The following WDFY3 variants were observed in gnomAD, a reference collection of about 807,000 sequenced individuals.
WDFY3 encodes WD repeat and FYVE domain-containing protein 3.
WDFY3 carries 66 observed loss-of-function variants against 409.6 expected under a neutral mutation model. That is an observed-to-expected ratio of 0.16 (90% CI 0.13 to 0.20). The LOEUF is 0.20. WDFY3 is among the 10% of genes least tolerant of loss of function. WDFY3 has a pLI of 1.00. For missense variants in WDFY3, 3,031 were observed against 4,298.1 expected (o/e 0.71, Z 8.24); for synonymous variants, 1,521 against 1,537.1 (o/e 0.99, Z 0.25).
intron 38 of WDFY3, among the ~76,000 whole-genome samples, chr4:84,741,457 G>C (rs960809387): frequency 3.3e-5 from 5 of 151,852 alleles, no homozygotes; most frequent in Non-Finnish European, 7.4e-5. Context: ...TGGAATTACA[G>C]GCGCGCACCA....
At chr4:84,705,874 G>A (rs772521439) in intron 53 of WDFY3, among the ~76,000 whole-genome samples, 13 of 152,128 alleles carry the variant, frequency 8.5e-5, no homozygotes, top group South Asian at 4.1e-4. Context: ...CCAATTCATC[G>A]TTAACTTCAT....
chr4:84,870,191 A>C (rs1761959053), intron 3 of WDFY3, among the ~76,000 whole-genome samples: 1 of 152,198 alleles, frequency 6.6e-6, no homozygotes, highest in African/African-American at 2.4e-5. Context: ...TAATATGAAA[A>C]GAAAAGTTAA....
At chr4:84,899,035 T>A (rs747830763) in intron 2 of WDFY3, among the ~76,000 whole-genome samples, 5 of 152,214 alleles carry the variant, frequency 3.3e-5, no homozygotes, top group African/African-American at 1.2e-4. Flanking sequence ...CATGGTGTGA[T>A]GAGTATAGAG....
chr4:84,769,021 G>A (rs1008515475), intron 30 of WDFY3, among the ~76,000 whole-genome samples: 2 of 152,322 alleles, frequency 1.3e-5, no homozygotes, highest in East Asian at 3.9e-4. Context: ...TTCAGTGGAA[G>A]AAGTAACTGC....
chr4:84,951,686 TA>T (rs1321999003), intron 1 of WDFY3, among the ~76,000 whole-genome samples: 4 of 152,082 alleles, frequency 2.6e-5, no homozygotes, highest in African/African-American at 9.7e-5. Context: ...AAAACCAAAG[TA>T]ACAATTAGAT....
chr4:84,929,474 C>A (rs565182780), intron 2 of WDFY3, among the ~76,000 whole-genome samples: 28 of 151,102 alleles, frequency 1.9e-4, no homozygotes, highest in Admixed American at 1.3e-3. Context: ...ATTGCGCCCC[C>A]CCCCCCAAAT....
rs1737960023 is a variant in WDFY3, at chr4:84,739,049, T to C, written c.6535A>G (p.Ile2179Val). ...TTWHIMIPSD[I>V]EPDGSYSQDI... ...TGGCTGTAACTACCATCTGGTTCAA[T>C]GTCCGAGGGGATCATAATGTGCCAT... The change falls in exon 40 of 68, where the codon ATT becomes GTT. Residue 2179 changes from isoleucine to valine, a missense_variant. Ile to Val is a conservative substitution (Grantham distance 29). Around this residue, in one of 16 missense-constraint regions of WDFY3, gnomAD observed 314 missense variants for 397.4 expected, o/e 0.79. Coordinates refer to ENST00000295888, the MANE Select transcript of WDFY3 (RefSeq NM_014991.6). 2 of 1,614,174 alleles carry C rather than the reference T, an allele frequency of 1.2e-6. No homozygotes were observed. The highest frequency in any genetic ancestry group is 1.7e-6 in the Non-Finnish European group (2 of 1,179,998).
chr4:84,860,388 G>A (rs1258509802), intron 4 of WDFY3, 24 bp downstream of exon 4: 2 of 1,598,802 alleles, frequency 1.3e-6, no homozygotes, highest in African/African-American at 2.7e-5. Context: ...CCCGGAAGGT[G>A]TGTGTCTGGC....
intron 14 of WDFY3, 154 bp downstream of exon 14, chr4:84,809,733 A>T: frequency 1.5e-6 from 1 of 651,734 alleles, no homozygotes; most frequent in Non-Finnish European, 2.5e-6. Context: ...CCAGAGCAAG[A>T]GTAATATTCA....
At chr4:84,679,694 C>G (rs1292263829) in intron 64 of WDFY3, among the ~76,000 whole-genome samples, 2 of 152,092 alleles carry the variant, frequency 1.3e-5, no homozygotes, top group Non-Finnish European at 2.9e-5. Flanking sequence ...CTTAAACATT[C>G]TTGTCTCTGA....
intron 4 of WDFY3, among the ~76,000 whole-genome samples, chr4:84,851,611 G>T (rs748936700): frequency 6.6e-6 from 1 of 152,132 alleles, no homozygotes; most frequent in Non-Finnish European, 1.5e-5. Flanking sequence ...ATCTAAGACT[G>T]GAAAGACCTC....
intron 8 of WDFY3, among the ~76,000 whole-genome samples, chr4:84,829,925 T>C (rs540704178): frequency 1.4e-4 from 22 of 151,898 alleles, no homozygotes; most frequent in Non-Finnish European, 3.2e-4. Context: ...TTGTATAATA[T>C]ATTATTAGTT....
chr4:84,852,140 T>TA (rs1167734428), intron 4 of WDFY3, among the ~76,000 whole-genome samples: 1 of 152,114 alleles, frequency 6.6e-6, no homozygotes, highest in Non-Finnish European at 1.5e-5. Flanking sequence ...TTAAGGAAAA[T>TA]AGAGTTTCTT....
chr4:84,958,340 C>T (rs1337776637), intron 1 of WDFY3, among the ~76,000 whole-genome samples: 1 of 152,190 alleles, frequency 6.6e-6, no homozygotes, highest in African/African-American at 2.4e-5. Context: ...GCATCTCCTA[C>T]CCAGTTTTCA....
rs552879526 is a variant in WDFY3 at position 84,902,164 on chromosome 4, A to G, written c.-131-5154T>C. 8.5e-5 allele frequency among the ~76,000 whole-genome samples: 13 copies of G among 152,302 alleles called. No individual in the cohort carries two copies. In the East Asian group the frequency reaches 1.7e-3, roughly 20 times the overall value. ...TACACACACTGAAATACTGTGCCAC[A>G]TATGTTTTTGCACTATACATGGTCT... On this transcript the variant is annotated intron_variant, in intron 2 of 67. Coordinates refer to ENST00000295888, the MANE Select transcript of WDFY3 (RefSeq NM_014991.6).
intron 3 of WDFY3, among the ~76,000 whole-genome samples, chr4:84,894,761 G>A (rs1300336266): frequency 6.6e-6 from 1 of 151,756 alleles, no homozygotes; most frequent in Admixed American, 6.6e-5. Flanking sequence ...ACTCCGGCCT[G>A]GGTGACAAAG....
In WDFY3 at chr4:84,670,710, T is replaced by C. The variant is rs1040937160; in HGVS notation, c.*2158A>G. On this transcript the variant is annotated 3_prime_UTR_variant, in exon 68 of 68. Transcript: ENST00000295888. ...GCCACTGGGTATGGGGTAAACATGA[T>C]TCATGGACAAAAGGAGGACGCTTCT... The C allele has an allele frequency of 4.6e-5, 7 of 152,640 alleles. No individual in the cohort carries two copies. Among genetic ancestry groups the C allele is most frequent in the African/African-American group, 1.7e-4 (7 of 41,454 alleles). The allele number at this position is 152,640 out of a possible 1,614,324, so 9.5% of individuals were successfully genotyped here.
chr4:84,688,003 T>G lies in WDFY3; in HGVS notation c.9543+83A>C. The G allele has an allele frequency of 2.8e-6, 4 of 1,434,366 alleles. 1 individual carries two copies. Among genetic ancestry groups the G allele is most frequent in the South Asian group, 2.6e-5 (2 of 77,078 alleles). 88.9% of individuals were successfully genotyped at this position (1,434,366 alleles called of 1,614,324 possible). A position where few individuals can be genotyped will look rare whatever the true frequency, so the allele number is the denominator to read the frequency against. ...CCTGAGCAGCTGCAACTCAGACATG[T>G]TCCCCTGAGCCCCACCATTTTTAAT... On this transcript the variant is annotated intron_variant, in intron 62 of 67. Coordinates refer to ENST00000295888, the MANE Select transcript of WDFY3 (RefSeq NM_014991.6).
chr4:84,691,712 A>G lies in WDFY3; in HGVS notation c.9123T>C (p.Leu3041=), dbSNP rs1364322920. The G allele has an allele frequency of 1.2e-6, 2 of 1,614,184 alleles. No homozygotes were observed. The highest frequency in any genetic ancestry group is 2.2e-5 in the South Asian group (2 of 91,074). ...GILAVEQNKV[L]IPPTWNKTFA... is the part of the protein sequence containing the mutation. ...AAGTTTTATTCCAGGTTGGTGGGAT[A>G]AGAACCTTATTCTGTTCCACCGCAA... The change falls in exon 60 of 68, where the codon CTT becomes CTC. Residue 3041 remains leucine, a synonymous_variant. Coordinates refer to ENST00000295888, the MANE Select transcript of WDFY3 (RefSeq NM_014991.6).
Sources: allele counts gnomAD v4.1 joint callset (sites outside exome capture counted in the v4.1 genomes callset), GRCh38; gene constraint gnomAD v4.1.1; regional missense constraint gnomAD v4.1.1; transcripts MANE v1.5; gene names NCBI Gene and HGNC (gene_info 2026-07-23, HGNC 2026-07-21).